Variants in FBXO11 observed in about 807,000 individuals in gnomAD.
FBXO11 encodes the protein F-box only protein 11.
A neutral mutation model predicts 117.0 loss-of-function variants in FBXO11; 13 were observed. The ratio of observed to expected loss-of-function variants is 0.11; its 90% CI spans 0.07 to 0.18. FBXO11 has a LOEUF of 0.18. Among genes scored for constraint, FBXO11 ranks in the 10% least tolerant of loss-of-function variants. The pLI is 1.00. For synonymous variants in FBXO11, 490 were observed against 380.5 expected (o/e 1.29, Z -3.35); for missense variants, 767 against 1,164.4 (o/e 0.66, Z 4.97).
At chr2:47,811,114 G>C (rs535127086) in intron 18 of FBXO11, 13 of 152,298 alleles carry the variant, frequency 8.5e-5, no homozygotes, top group Admixed American at 1.3e-4. Context: ...GTAACTTCTT[G>C]GGGTCCTCCT....
At chr2:47,901,083 GTACA>G (rs1328500593) in intron 1 of FBXO11, among the ~76,000 whole-genome samples, 1 of 124,332 alleles carries the variant, frequency 8.0e-6, no homozygotes, top group African/African-American at 2.9e-5. Context: ...ACACACGTGT[GTACA>G]TATATATACA....
chr2:47,810,164 T>TTAGG, intron 19 of FBXO11, 152 bp downstream of exon 19: 1 of 570,934 alleles, frequency 1.8e-6, no homozygotes. Flanking sequence ...CAGAACTTGA[T>TTAGG]TAGGTGCTCT....
At chr2:47,815,849 T>A (rs1670969727) in intron 16 of FBXO11, among the ~76,000 whole-genome samples, 1 of 152,198 alleles carries the variant, frequency 6.6e-6, no homozygotes, top group Non-Finnish European at 1.5e-5. Context: ...CTGATCCTCC[T>A]GTGGCTCAGC....
intron 1 of FBXO11, among the ~76,000 whole-genome samples, chr2:47,850,895 A>T (rs17037006): frequency 7.2e-5 from 11 of 152,196 alleles, no homozygotes; most frequent in African/African-American, 2.4e-4. Flanking sequence ...TTCCATTCTC[A>T]TATTTGTTCC....
At chr2:47,823,067 T>TTTTGTTAGACATTTGCTAAC in intron 12 of FBXO11, 76 bp downstream of exon 12, 1 of 1,064,414 alleles carries the variant, frequency 9.4e-7, no homozygotes, top group Non-Finnish European at 1.3e-6. Flanking sequence ...TTTCAAGAGT[T>TTTTGTTAGACATTTGCTAAC]AAAGCTCAAT....
At chr2:47,825,052 GACTTTACA>G (rs1558415957) in intron 11 of FBXO11, among the ~76,000 whole-genome samples, 16 of 152,054 alleles carry the variant, frequency 1.1e-4, no homozygotes, top group African/African-American at 3.9e-4. Flanking sequence ...ATGTATGTAA[GACTTTACA>G]CACAGTAAGT....
At chr2:47,813,673 T>C in intron 17 of FBXO11, 118 bp downstream of exon 17, 1 of 748,414 alleles carries the variant, frequency 1.3e-6, no homozygotes, top group Middle Eastern at 2.6e-4. Flanking sequence ...CCTCGGGTGA[T>C]CCACCCATCT....
intron 11 of FBXO11, among the ~76,000 whole-genome samples, chr2:47,827,513 G>T (rs1671847953): frequency 6.6e-6 from 1 of 152,010 alleles, no homozygotes; most frequent in African/African-American, 2.4e-5. Flanking sequence ...CACTATGTTG[G>T]CCAGGATGGT....
intron 1 of FBXO11, among the ~76,000 whole-genome samples, chr2:47,902,446 G>T (rs1393204368): frequency 1.3e-5 from 2 of 152,134 alleles, no homozygotes; most frequent in Non-Finnish European, 2.9e-5. Flanking sequence ...AATCCTCAAA[G>T]ATTTTAATCT....
rs1678758644 is a variant in FBXO11, at chr2:47,905,704, G to C, written c.17C>G (p.Ala6Gly). Reference protein sequence around the residue: MNSVRAANRRPRRVSR... With the variant: MNSVRGANRRPRRVSR... ...CACTCGCCTGGGTCTCCGGTTGGCG[G>C]CTCGGACGGAGTTCATTTGCCGGGC... The change falls in exon 1 of 23, where the codon GCC becomes GGC. Residue 6 changes from alanine (A) to glycine (G), a missense_variant. By Grantham distance (60) the Ala-to-Gly change is moderately conservative (BLOSUM62 0). This residue lies in a region of FBXO11 where 355 missense variants were observed against 299.8 expected (regional missense o/e 1.18). Coordinates refer to ENST00000403359, the MANE Select transcript of FBXO11 (RefSeq NM_001190274.2). 6 of 1,522,946 alleles carry C rather than the reference G, an allele frequency of 3.9e-6. No individual in the cohort carries two copies. The highest frequency in any genetic ancestry group is 4.4e-6 in the Non-Finnish European group (5 of 1,137,448). The allele number at this position is 1,522,946 out of a possible 1,614,324, so 94.3% of individuals were successfully genotyped here.
chr2:47,812,328 A>G (rs910756993), intron 18 of FBXO11, among the ~76,000 whole-genome samples: 1 of 152,228 alleles, frequency 6.6e-6, no homozygotes, highest in African/African-American at 2.4e-5. Flanking sequence ...AAGTGAAATA[A>G]CATCTGGAAT....
intron 1 of FBXO11, among the ~76,000 whole-genome samples, chr2:47,854,037 T>C (rs556185820): frequency 9.8e-5 from 15 of 152,310 alleles, no homozygotes; most frequent in Non-Finnish European, 2.2e-4. Flanking sequence ...CAGTAGTCAT[T>C]AGGAGAGGCT....
intron 1 of FBXO11, among the ~76,000 whole-genome samples, chr2:47,885,785 AGT>A (rs1676790164): frequency 6.6e-6 from 1 of 152,216 alleles, no homozygotes; most frequent in African/African-American, 2.4e-5. Flanking sequence ...ATGACAACAA[AGT>A]AAAATTCTGT....
chr2:47,824,463 G>A (rs1365978234), intron 11 of FBXO11, among the ~76,000 whole-genome samples: 1 of 152,122 alleles, frequency 6.6e-6, no homozygotes, highest in Non-Finnish European at 1.5e-5. Context: ...TCGCACTCCA[G>A]CCTGGACAAC....
At chr2:47,904,842 G>A (rs558479494) in intron 1 of FBXO11, among the ~76,000 whole-genome samples, 2 of 151,988 alleles carry the variant, frequency 1.3e-5, no homozygotes, top group Admixed American at 6.5e-5. Flanking sequence ...TCCTTCCCAG[G>A]GGTTCGTAAC....
Position 47,808,441 on chromosome 2 carries a change from G to C in FBXO11, c.2556-14C>G. ...CAAGTATGACATCTAAAAAGCAAAA[G>C]CTTAAATTACTTTTCTCAAACATGT... On this transcript the variant is annotated splice_polypyrimidine_tract_variant and intron_variant, in intron 21 of 22. Transcript: ENST00000403359. 6.4e-7 allele frequency: 1 copy of C among 1,565,850 alleles called. No homozygotes were observed. Among genetic ancestry groups the C allele is most frequent in the Non-Finnish European group, 8.6e-7 (1 of 1,160,032 alleles).
At chr2:47,856,358 G>A (rs981669238) in intron 1 of FBXO11, among the ~76,000 whole-genome samples, 2 of 152,188 alleles carry the variant, frequency 1.3e-5, no homozygotes, top group Non-Finnish European at 2.9e-5. Flanking sequence ...AACACCAAAA[G>A]AGGAAGACAC....
chr2:47,842,104 C>T (rs1286518036), intron 1 of FBXO11, among the ~76,000 whole-genome samples: 2 of 151,698 alleles, frequency 1.3e-5, no homozygotes, highest in Admixed American at 6.6e-5. Flanking sequence ...CAACCTCCGT[C>T]TCCTGGGTTC....
intron 3 of FBXO11, 95 bp downstream of exon 3, chr2:47,839,324 G>T (rs988778362): frequency 1.3e-5 from 14 of 1,099,308 alleles, no homozygotes; most frequent in Non-Finnish European, 1.4e-5. Flanking sequence ...AATCCCAAAG[G>T]TAATACTCGA....
Sources: gnomAD v4.1 joint callset for allele counts (sites outside exome capture counted in the v4.1 genomes callset) on GRCh38, gnomAD v4.1.1 for gene constraint, gnomAD v4.1.1 regional missense constraint, MANE v1.5 for transcripts, NCBI Gene and HGNC (gene_info 2026-07-23, HGNC 2026-07-21) for gene names.